The following ZRANB3 variants were observed in gnomAD, a reference collection of about 807,000 sequenced individuals.
ZRANB3 encodes the protein DNA annealing helicase and endonuclease ZRANB3.
Under a neutral mutation model 133.8 loss-of-function variants are expected in ZRANB3, and 125 were observed. The ratio of observed to expected loss-of-function variants is 0.93; its 90% CI spans 0.81 to 1.08. The LOEUF (loss-of-function observed/expected upper bound fraction) is 1.08, where lower values mean the gene tolerates loss of function less well. Ranked by LOEUF, ZRANB3 falls within the 50% of genes least tolerant of loss-of-function variation. The pLI, the probability that ZRANB3 is intolerant of heterozygous loss-of-function variation, is 0.00. For missense variants in ZRANB3, 1,229 were observed against 1,275.5 expected (o/e 0.96, Z 0.56); for synonymous variants, 387 against 432.7 (o/e 0.89, Z 1.31).
At chr2:135,470,619 G>A (rs760020915) in intron 2 of ZRANB3, among the ~76,000 whole-genome samples, 25 of 150,638 alleles carry the variant, frequency 1.7e-4, no homozygotes, top group Non-Finnish European at 2.8e-4. Flanking sequence ...TTCGGGAGGC[G>A]GAGGTTGAAG....
chr2:135,204,431 T>C (rs75263353), intron 19 of ZRANB3, among the ~76,000 whole-genome samples: 6,544 of 151,952 alleles, frequency 0.043, 479 homozygotes, highest in African/African-American at 0.15. Flanking sequence ...GATGCTTCTT[T>C]AGTTTTTCCA....
intron 2 of ZRANB3, among the ~76,000 whole-genome samples, chr2:135,440,446 A>G (rs904837109): frequency 1.1e-4 from 17 of 152,162 alleles, no homozygotes; most frequent in African/African-American, 3.4e-4. Context: ...GTGAGGGACC[A>G]GCACTCCTAA....
rs774316820 is a variant in ZRANB3, at chr2:135,217,591, C to T, written c.2369G>A (p.Arg790Gln). The change falls in exon 17 of 21, where the codon CGA becomes CAA. Residue 790 changes from arginine to glutamine, a missense_variant. Coordinates refer to ENST00000264159, the MANE Select transcript of ZRANB3 (RefSeq NM_032143.4). Reference protein sequence around the residue: ...QYRSLILRFVREWSSLTAMKQ... With the variant: ...QYRSLILRFVQEWSSLTAMKQ... ...CATGGCAGTTAGACTACTCCATTCTCGAACAAATCTCAAAATCTGGCAGAA... is the reference window on the plus strand; with the variant it reads ...CATGGCAGTTAGACTACTCCATTCTTGAACAAATCTCAAAATCTGGCAGAA... 20 of 1,610,876 alleles carry T rather than the reference C, an allele frequency of 1.2e-5. No homozygotes were observed. The highest frequency in any genetic ancestry group is 7.8e-5 in the South Asian group (7 of 89,968).
At chr2:135,279,148 A>AT (rs925663486) in intron 8 of ZRANB3, among the ~76,000 whole-genome samples, 1 of 152,168 alleles carries the variant, frequency 6.6e-6, no homozygotes, top group African/African-American at 2.4e-5. Flanking sequence ...GGGGACTGTT[A>AT]TTTTTTGGAT....
chr2:135,387,449 C>T (rs115824476), intron 3 of ZRANB3, among the ~76,000 whole-genome samples: 3,748 of 152,296 alleles, frequency 0.025, 76 homozygotes, highest in Middle Eastern at 0.037. Context: ...TTCATCCACA[C>T]TGGCATGGTA....
intron 12 of ZRANB3, among the ~76,000 whole-genome samples, chr2:135,234,507 C>T (rs2105073873): frequency 6.6e-6 from 1 of 152,280 alleles, no homozygotes; most frequent in East Asian, 1.9e-4. Flanking sequence ...TTCAGCACCA[C>T]ACCTATTCCA....
chr2:135,341,320 C>G (rs773023695), intron 6 of ZRANB3, among the ~76,000 whole-genome samples: 2 of 149,974 alleles, frequency 1.3e-5, no homozygotes, highest in Non-Finnish European at 2.9e-5. Context: ...GAAGCCACAG[C>G]AGAAGAACAT....
chr2:135,312,187 AT>A (rs1185309567), intron 8 of ZRANB3, among the ~76,000 whole-genome samples: 2,298 of 125,102 alleles, frequency 0.018, 33 homozygotes, highest in Middle Eastern at 0.061. Context: ...ATTTTATTTT[AT>A]TTTTATTTTA....
chr2:135,418,711 G>A (rs181339226), intron 2 of ZRANB3, among the ~76,000 whole-genome samples: 67 of 152,126 alleles, frequency 4.4e-4, no homozygotes, highest in Middle Eastern at 3.4e-3. Flanking sequence ...CACTGAAGAC[G>A]GTGGGCAGAG....
At chr2:135,209,048 T>C (rs909042733) in intron 17 of ZRANB3, 70 bp from the exon 18 acceptor site, 1 of 1,411,536 alleles carries the variant, frequency 7.1e-7, no homozygotes, top group African/African-American at 1.4e-5. Flanking sequence ...ATGTTTACAT[T>C]GTTCCTTGCA....
intron 6 of ZRANB3, among the ~76,000 whole-genome samples, chr2:135,324,938 G>T (rs1235395968): frequency 6.6e-6 from 1 of 151,792 alleles, no homozygotes; most frequent in African/African-American, 2.4e-5. Context: ...TTTTTTTCTT[G>T]TAAATTTGTT....
intron 12 of ZRANB3, among the ~76,000 whole-genome samples, chr2:135,254,662 A>G (rs1262722182): frequency 1.3e-5 from 2 of 152,172 alleles, no homozygotes; most frequent in Non-Finnish European, 2.9e-5. Context: ...TCCATATACC[A>G]TAAAATTCAC....
chr2:135,320,200 C>T (rs1236247053), intron 6 of ZRANB3, among the ~76,000 whole-genome samples: 4 of 151,866 alleles, frequency 2.6e-5, no homozygotes, highest in Non-Finnish European at 4.4e-5. Flanking sequence ...GCCACCAGGC[C>T]GAGCTAAAAG....
Position 135,235,076 on chromosome 2 carries a change from T to C in ZRANB3, c.1540-4149A>G, listed in dbSNP as rs184568609. On this transcript the variant is annotated intron_variant, in intron 12 of 20. Coordinates refer to ENST00000264159, the MANE Select transcript of ZRANB3 (RefSeq NM_032143.4). ...TAAAGAAGAAAAGAGAAGAATCAAA[T>C]AGACGCAATAAAAAATGATAAAGGG... Among the ~76,000 whole-genome samples the C allele has an allele frequency of 3.0e-3, 453 of 152,062 alleles. 3 individuals carry two copies. Among genetic ancestry groups the C allele is most frequent in the African/African-American group, 0.01 (422 of 41,470 alleles).
chr2:135,324,621 G>C (rs1683712527), intron 6 of ZRANB3, among the ~76,000 whole-genome samples: 1 of 152,090 alleles, frequency 6.6e-6, no homozygotes, highest in African/African-American at 2.4e-5. Flanking sequence ...TGGGTCAAAT[G>C]GTATTTCTAG....
At chr2:135,493,072 C>T (rs72986473) in intron 2 of ZRANB3, among the ~76,000 whole-genome samples, 5,528 of 114,586 alleles carry the variant, frequency 0.048, 485 homozygotes, top group African/African-American at 0.17. Flanking sequence ...TACCTCACCC[C>T]GTATTTAAAA....
At chr2:135,419,601 C>T (rs764558462) in intron 2 of ZRANB3, among the ~76,000 whole-genome samples, 7 of 151,552 alleles carry the variant, frequency 4.6e-5, no homozygotes, top group African/African-American at 7.3e-5. Flanking sequence ...AAGTTCTAAA[C>T]GAGAAATTGT....
chr2:135,418,429 C>G (rs1402165676), intron 2 of ZRANB3, among the ~76,000 whole-genome samples: 1 of 152,068 alleles, frequency 6.6e-6, no homozygotes, highest in Non-Finnish European at 1.5e-5. Context: ...ATCACAGACT[C>G]AAATGTTTAA....
chr2:135,233,994 C>T (rs1407196533), intron 12 of ZRANB3, among the ~76,000 whole-genome samples: 2 of 152,178 alleles, frequency 1.3e-5, no homozygotes, highest in African/African-American at 4.8e-5. Flanking sequence ...AAGACACAGA[C>T]TGGCAAATTG....
Sources: allele counts gnomAD v4.1 joint callset (sites outside exome capture counted in the v4.1 genomes callset), GRCh38; gene constraint gnomAD v4.1.1; transcripts MANE v1.5; gene names NCBI Gene and HGNC (gene_info 2026-07-23, HGNC 2026-07-21).